Variants in AGBL1 observed in about 807,000 individuals in gnomAD.
AGBL1 encodes the protein AGBL carboxypeptidase 1, also known as cytosolic carboxypeptidase 4.
In AGBL1, 130 loss-of-function variants were observed where a neutral mutation model predicts 118.9. The observed-to-expected ratio is 1.09, with a 90% CI of 0.95 to 1.26. The LOEUF is 1.26. AGBL1 is among the 50% of genes most tolerant of loss of function. The pLI is 0.00. For synonymous variants in AGBL1, 555 were observed against 478.9 expected (o/e 1.16, Z -2.08); for missense variants, 1,584 against 1,298.1 (o/e 1.22, Z -3.38).
chr15:86,948,849 C>T (rs1320259367), intron 23 of AGBL1, among the ~76,000 whole-genome samples: 1 of 152,212 alleles, frequency 6.6e-6, no homozygotes, highest in South Asian at 2.1e-4. Context: ...ACTAGCATAA[C>T]CTAGCCCAGG....
chr15:86,448,025 G>A (rs565246754), intron 18 of AGBL1, among the ~76,000 whole-genome samples: 2 of 152,152 alleles, frequency 1.3e-5, no homozygotes, highest in South Asian at 4.2e-4. Context: ...CGGGCCTGTG[G>A]TCCCAGCTGT....
intron 5 of AGBL1, among the ~76,000 whole-genome samples, chr15:86,180,599 T>C (rs1175402078): frequency 2.0e-5 from 3 of 152,132 alleles, no homozygotes. Context: ...GGAAAACCTT[T>C]GTGATCTTCA....
At chr15:86,374,288 A>C (rs534659072) in intron 17 of AGBL1, among the ~76,000 whole-genome samples, 1 of 152,262 alleles carries the variant, frequency 6.6e-6, no homozygotes, top group Non-Finnish European at 1.5e-5. Flanking sequence ...TGGATTTATT[A>C]CAAAGCCTAT....
intron 23 of AGBL1, among the ~76,000 whole-genome samples, chr15:86,980,063 C>A (rs1264369853): frequency 4.6e-5 from 7 of 152,168 alleles, no homozygotes; most frequent in Admixed American, 2.0e-4. Context: ...TAGGAAGGAG[C>A]TTCTTAAAAA....
At chr15:86,463,590 T>G (rs2082360397) in intron 18 of AGBL1, among the ~76,000 whole-genome samples, 1 of 152,232 alleles carries the variant, frequency 6.6e-6, no homozygotes, top group Non-Finnish European at 1.5e-5. Flanking sequence ...GTTTAAATCT[T>G]TAATCCATCT....
intron 18 of AGBL1, among the ~76,000 whole-genome samples, chr15:86,402,419 C>A (rs1041300972): frequency 6.6e-6 from 1 of 151,994 alleles, no homozygotes; most frequent in Non-Finnish European, 1.5e-5. Context: ...AGTTTGACTT[C>A]CTATTTACAG....
At chr15:86,380,216 C>T (rs2081093071) in intron 17 of AGBL1, among the ~76,000 whole-genome samples, 1 of 151,872 alleles carries the variant, frequency 6.6e-6, no homozygotes, top group African/African-American at 2.4e-5. Context: ...CCCTTCCTCC[C>T]TCTCTCATTC....
intron 18 of AGBL1, among the ~76,000 whole-genome samples, chr15:86,505,274 G>A (rs1596199441): frequency 1.3e-5 from 2 of 151,802 alleles, no homozygotes; most frequent in East Asian, 3.9e-4. Context: ...ATTTTTGGAT[G>A]TGTAGATTAG....
chr15:86,975,258 G>T (rs1343050531), intron 23 of AGBL1, among the ~76,000 whole-genome samples: 2 of 152,028 alleles, frequency 1.3e-5, no homozygotes. Flanking sequence ...GGCTGGGGAG[G>T]TGTCACAACC....
chr15:86,652,624 T>C (rs2085394554), intron 21 of AGBL1, among the ~76,000 whole-genome samples: 1 of 152,194 alleles, frequency 6.6e-6, no homozygotes, highest in African/African-American at 2.4e-5. Flanking sequence ...TTATTCTCCT[T>C]CTTTAAAAAT....
At chr15:86,507,493 C>A (rs888081583) in intron 18 of AGBL1, among the ~76,000 whole-genome samples, 1 of 152,056 alleles carries the variant, frequency 6.6e-6, no homozygotes, top group Non-Finnish European at 1.5e-5. Context: ...TATCATTAAG[C>A]CTACACTCTA....
intron 23 of AGBL1, among the ~76,000 whole-genome samples, chr15:86,985,907 T>C (rs963773548): frequency 2.6e-5 from 4 of 152,104 alleles, no homozygotes; most frequent in East Asian, 3.9e-4. Context: ...TTTATTTTTT[T>C]ATATGGATAG....
chr15:86,175,167 C>A lies in AGBL1; in HGVS notation c.488+16141C>A, dbSNP rs901815883. Among the ~76,000 whole-genome samples, 10 of 151,786 alleles carry A rather than the reference C, an allele frequency of 6.6e-5. 1 individual carries two copies. Among genetic ancestry groups the A allele is most frequent in the African/African-American group, 2.4e-4 (10 of 41,474 alleles). On this transcript the variant is annotated intron_variant, in intron 5 of 22. Coordinates refer to ENST00000614907, the MANE Select transcript of AGBL1 (RefSeq NM_001386094.1). ...TGTTCTTGTTGTTGTTGTTAGGGGA[C>A]TTTTTATTACTCATTCAATCTTGTA...
intron 22 of AGBL1, among the ~76,000 whole-genome samples, chr15:86,729,851 G>A: frequency 6.6e-6 from 1 of 152,162 alleles, no homozygotes; most frequent in East Asian, 1.9e-4. Flanking sequence ...AAATCACACT[G>A]CTTTCCACAA....
At chr15:86,692,628 G>A (rs1255960442) in intron 22 of AGBL1, among the ~76,000 whole-genome samples, 1 of 151,954 alleles carries the variant, frequency 6.6e-6, no homozygotes. Context: ...TATTTCCATT[G>A]ATTTTGGAGG....
At chr15:86,725,401 T>C (rs2086804214) in intron 22 of AGBL1, among the ~76,000 whole-genome samples, 1 of 151,904 alleles carries the variant, frequency 6.6e-6, no homozygotes, top group Admixed American at 6.6e-5. Flanking sequence ...GGGAAAGGGA[T>C]GGTTTAAAGG....
rs149846082 is a variant in AGBL1 at position 86,725,949 on chromosome 15, G to A, written c.3158+51513G>A. On this transcript the variant is annotated intron_variant, in intron 22 of 22. Transcript: ENST00000614907. Reference sequence around the variant, plus strand: ...AGAGCCATATCTTATTCATCATTGTGTTCCCAGTACTAATTCTGCATCTGG... The same window carrying A: ...AGAGCCATATCTTATTCATCATTGTATTCCCAGTACTAATTCTGCATCTGG... Among the ~76,000 whole-genome samples, 299 of 152,128 alleles carry A rather than the reference G, an allele frequency of 2.0e-3. 2 individuals carry two copies. Among genetic ancestry groups the A allele is most frequent in the African/African-American group, 6.9e-3 (287 of 41,486 alleles).
intron 22 of AGBL1, among the ~76,000 whole-genome samples, chr15:86,790,030 G>A (rs969797665): frequency 6.6e-6 from 1 of 151,854 alleles, no homozygotes; most frequent in Non-Finnish European, 1.5e-5. Flanking sequence ...GTATTATAAG[G>A]GTGTTTTTGT....
chr15:86,113,747 C>T (rs77656576), intron 1 of AGBL1, among the ~76,000 whole-genome samples: 3,716 of 152,272 alleles, frequency 0.024, 167 homozygotes, highest in African/African-American at 0.084. Context: ...CACAGGTGCT[C>T]ACTATGCGAA....
Sources: allele counts gnomAD v4.1 joint callset (sites outside exome capture counted in the v4.1 genomes callset), GRCh38; gene constraint gnomAD v4.1.1; transcripts MANE v1.5; gene names NCBI Gene and HGNC (gene_info 2026-07-23, HGNC 2026-07-21).